The following SDC2 variants were observed in gnomAD, a reference collection of about 807,000 sequenced individuals.
SDC2 encodes the protein syndecan-2.
A neutral mutation model predicts 22.2 loss-of-function variants in SDC2; 13 were observed. The ratio of observed to expected loss-of-function variants is 0.59; its 90% CI spans 0.38 to 0.93. The LOEUF (loss-of-function observed/expected upper bound fraction) is 0.93, where lower values mean the gene tolerates loss of function less well. SDC2 is among the 40% of genes least tolerant of loss of function. SDC2 has a pLI of 0.00. For synonymous variants in SDC2, 94 were observed against 92.8 expected, an observed-to-expected ratio of 1.01 and a Z score of -0.07; for missense variants, 235 against 246.8, an observed-to-expected ratio of 0.95 and a Z score of 0.32.
At position 96,494,291 on chromosome 8, in the gene SDC2, T is replaced by A; in HGVS notation, c.20T>A (p.Leu7Gln). 2 of 1,547,286 alleles carry A rather than the reference T, an allele frequency of 1.3e-6. No individual in the cohort carries two copies. The highest frequency in any genetic ancestry group is 1.7e-6 in the Non-Finnish European group (2 of 1,149,884). The change falls in exon 1 of 5, where the codon CTG (leucine) becomes CAG (glutamine). Residue 7 changes from leucine to glutamine, a missense_variant. Transcript: ENST00000302190. Reference protein sequence around the residue: MRRAWILLTLGLVACVS... With the variant: MRRAWIQLTLGLVACVS... Reference sequence around the variant, plus strand: ...GGGAATATGCGGCGCGCGTGGATCCTGCTCACCTTGGGCTTGGTGGCCTGC... The same window carrying A: ...GGGAATATGCGGCGCGCGTGGATCCAGCTCACCTTGGGCTTGGTGGCCTGC...
chr8:96,585,402 G>A (rs564592915), intron 1 of SDC2, among the ~76,000 whole-genome samples: 36 of 152,266 alleles, frequency 2.4e-4, no homozygotes, highest in African/African-American at 8.4e-4. Flanking sequence ...AACACCTGAG[G>A]GTTCGGATGA....
chr8:96,546,518 G>C (rs929199842), intron 1 of SDC2, among the ~76,000 whole-genome samples: 2 of 152,172 alleles, frequency 1.3e-5, no homozygotes, highest in Non-Finnish European at 2.9e-5. Context: ...AAGAGCCCTA[G>C]ATTTTCCAAC....
At chr8:96,590,409 C>T (rs949666530) in intron 1 of SDC2, among the ~76,000 whole-genome samples, 1 of 152,106 alleles carries the variant, frequency 6.6e-6, no homozygotes, top group African/African-American at 2.4e-5. Flanking sequence ...GAGTATGTCC[C>T]GAGGTTTTCT....
intron 1 of SDC2, among the ~76,000 whole-genome samples, chr8:96,505,847 C>T (rs971048876): frequency 1.3e-5 from 2 of 152,126 alleles, no homozygotes; most frequent in Non-Finnish European, 2.9e-5. Context: ...GTTGGTCCTG[C>T]AAGTTAAAAA....
At chr8:96,595,967 C>A (rs1164533989) in intron 2 of SDC2, among the ~76,000 whole-genome samples, 4 of 152,240 alleles carry the variant, frequency 2.6e-5, no homozygotes, top group Non-Finnish European at 4.4e-5. Context: ...CTTTGGAAAC[C>A]ACCTTACACT....
At chr8:96,509,820 G>C (rs1282909407) in intron 1 of SDC2, among the ~76,000 whole-genome samples, 1 of 152,160 alleles carries the variant, frequency 6.6e-6, no homozygotes, top group African/African-American at 2.4e-5. Context: ...GGCTTTCCAG[G>C]ACTCATCTGC....
intron 1 of SDC2, among the ~76,000 whole-genome samples, chr8:96,586,844 AAG>A (rs1418116342): frequency 6.6e-6 from 1 of 152,220 alleles, no homozygotes; most frequent in Non-Finnish European, 1.5e-5. Context: ...GTGTTTCTTA[AAG>A]AGACTTTAGC....
chr8:96,503,334 A>C (rs979595998), intron 1 of SDC2, among the ~76,000 whole-genome samples: 6 of 152,244 alleles, frequency 3.9e-5, no homozygotes, highest in Admixed American at 3.9e-4. Flanking sequence ...ATAAGATTCT[A>C]ATTTAGACAC....
chr8:96,503,838 G>C (rs1476482157), intron 1 of SDC2, among the ~76,000 whole-genome samples: 2 of 152,152 alleles, frequency 1.3e-5, no homozygotes, highest in African/African-American at 4.8e-5. Context: ...ATAGAAGGCT[G>C]TTCTTTCTCA....
intron 1 of SDC2, among the ~76,000 whole-genome samples, chr8:96,545,212 G>A (rs1038541032): frequency 9.8e-5 from 15 of 152,298 alleles, no homozygotes; most frequent in South Asian, 2.1e-4. Context: ...TTAGAAAGTC[G>A]AAATTCAGTG....
At chr8:96,573,276 G>A (rs1814427419) in intron 1 of SDC2, among the ~76,000 whole-genome samples, 1 of 5,022 alleles carries the variant, frequency 2.0e-4, no homozygotes, top group Admixed American at 1.1e-3. Flanking sequence ...CAGGATGGAT[G>A]CTCTTCGCAG....
intron 1 of SDC2, among the ~76,000 whole-genome samples, chr8:96,512,747 TAGG>T (rs1195439173): frequency 2.0e-5 from 3 of 152,312 alleles, no homozygotes; most frequent in East Asian, 3.9e-4. Flanking sequence ...TTAATAAACA[TAGG>T]AGACTGTAAC....
intron 1 of SDC2, among the ~76,000 whole-genome samples, chr8:96,576,363 A>ATTTTT (rs1257255523): frequency 2.7e-5 from 1 of 36,422 alleles, no homozygotes; most frequent in Non-Finnish European, 6.9e-5. Context: ...AATAATTGGT[A>ATTTTT]GTTTGTTTTT....
intron 1 of SDC2, chr8:96,537,362 C>T (rs1437105755): frequency 6.6e-6 from 1 of 152,114 alleles, no homozygotes; most frequent in Non-Finnish European, 1.5e-5. Context: ...TGCCTGTGTT[C>T]TGAAAGTGTC....
At chr8:96,532,411 C>CGTTTTT (rs1813676456) in intron 1 of SDC2, among the ~76,000 whole-genome samples, 3 of 46,310 alleles carry the variant, frequency 6.5e-5, no homozygotes, top group African/African-American at 3.9e-4. Flanking sequence ...CTTATTGAGG[C>CGTTTTT]GTTTTTTTTT....
rs372852831 is a variant in SDC2, at chr8:96,543,339, C to T, written c.60+49008C>T. On this transcript the variant is annotated intron_variant, in intron 1 of 4. Coordinates refer to ENST00000302190, the MANE Select transcript of SDC2 (RefSeq NM_002998.4). The stretch of plus-strand genomic sequence containing the variant: ...CTGTTTAAAATCCTGTTTTTATTTG[C>T]ATATGTATTTAACTTAGATAATGGT... 2.6e-5 allele frequency among the ~76,000 whole-genome samples: 4 copies of T among 152,170 alleles called. No individual in the cohort carries two copies. The South Asian group carries it at 8.3e-4, about 32-fold the overall frequency.
intron 1 of SDC2, among the ~76,000 whole-genome samples, chr8:96,553,921 C>G (rs1375117544): frequency 6.6e-6 from 1 of 151,936 alleles, no homozygotes; most frequent in Non-Finnish European, 1.5e-5. Context: ...TTTAGGCATG[C>G]CATGCCCAAC....
intron 1 of SDC2, among the ~76,000 whole-genome samples, chr8:96,500,049 T>C (rs1813138284): frequency 6.6e-6 from 1 of 152,194 alleles, no homozygotes; most frequent in South Asian, 2.1e-4. Context: ...CAGGGTCAAC[T>C]GAATACACCA....
rs1815145961 is a variant in SDC2, at chr8:96,609,818, T to C, written c.*270T>C. ...TGTTCATGGAATTGGTTTAAACTTT[T>C]ATGCGCAAATACAAAATGATTGTCT... On this transcript the variant is annotated 3_prime_UTR_variant, in exon 5 of 5. Coordinates refer to ENST00000302190, the MANE Select transcript of SDC2 (RefSeq NM_002998.4). 2 of 265,570 alleles carry C rather than the reference T, an allele frequency of 7.5e-6. No individual in the cohort carries two copies. Among genetic ancestry groups the C allele is most frequent in the Admixed American group, 1.1e-4 (2 of 18,860 alleles). 16.5% of individuals were successfully genotyped at this position (265,570 alleles called of 1,614,324 possible). A position where few individuals can be genotyped will look rare whatever the true frequency, so the allele number is the denominator to read the frequency against.
Sources: allele counts gnomAD v4.1 joint callset (sites outside exome capture counted in the v4.1 genomes callset), GRCh38; gene constraint gnomAD v4.1.1; transcripts MANE v1.5; gene names NCBI Gene and HGNC (gene_info 2026-07-23, HGNC 2026-07-21).